The following NAALADL2 variants were observed in gnomAD, a reference collection of about 807,000 sequenced individuals.
The protein encoded by NAALADL2 is inactive N-acetylated-alpha-linked acidic dipeptidase-like protein 2.
Under a neutral mutation model 87.2 loss-of-function variants are expected in NAALADL2, and 76 were observed. The observed-to-expected ratio is 0.87, with a 90% CI of 0.72 to 1.05. The LOEUF (loss-of-function observed/expected upper bound fraction) is 1.05, where lower values mean the gene tolerates loss of function less well. Ranked by LOEUF, NAALADL2 falls within the 50% of genes least tolerant of loss-of-function variation. NAALADL2 has a pLI of 0.00. For missense variants in NAALADL2, 1,089 were observed against 945.8 expected (o/e 1.15, Z -1.99); for synonymous variants, 354 against 331.0 (o/e 1.07, Z -0.75).
At chr3:174,826,605 T>C (rs942835155) in intron 3 of NAALADL2, among the ~76,000 whole-genome samples, 2 of 152,220 alleles carry the variant, frequency 1.3e-5, no homozygotes, top group African/African-American at 4.8e-5. Context: ...GCCCATTCCA[T>C]CTCTTAGGAC....
chr3:175,430,947 C>T (rs1717646897), intron 5 of NAALADL2, among the ~76,000 whole-genome samples: 1 of 152,016 alleles, frequency 6.6e-6, no homozygotes, highest in Admixed American at 6.6e-5. Flanking sequence ...TCTTTTAAAT[C>T]TAGCATCTCA....
intron 3 of NAALADL2, among the ~76,000 whole-genome samples, chr3:175,251,519 A>G (rs1366783214): frequency 3.9e-5 from 6 of 152,228 alleles, no homozygotes; most frequent in Admixed American, 3.3e-4. Flanking sequence ...GACATTTCCC[A>G]TAGAGACCAG....
At chr3:175,142,330 G>A (rs1487802029) in intron 2 of NAALADL2, among the ~76,000 whole-genome samples, 1 of 151,966 alleles carries the variant, frequency 6.6e-6, no homozygotes, top group East Asian at 1.9e-4. Flanking sequence ...AAACAATTAT[G>A]TTTTATTTTC....
chr3:174,895,967 A>C (rs1731476692), intron 1 of NAALADL2, among the ~76,000 whole-genome samples: 1 of 152,186 alleles, frequency 6.6e-6, no homozygotes, highest in Non-Finnish European at 1.5e-5. Context: ...TGATGCTGAA[A>C]AAGCATTTGA....
At chr3:175,010,997 T>C (rs1190201149) in intron 1 of NAALADL2, among the ~76,000 whole-genome samples, 1 of 152,162 alleles carries the variant, frequency 6.6e-6, no homozygotes, top group Non-Finnish European at 1.5e-5. Flanking sequence ...AAAAAATAAA[T>C]CTAGGTACTC....
chr3:174,555,031 T>C (rs1712587411), intron 2 of NAALADL2, among the ~76,000 whole-genome samples: 1 of 152,210 alleles, frequency 6.6e-6, no homozygotes, highest in South Asian at 2.1e-4. Context: ...TCATTAGGGC[T>C]CTGCCCTCAT....
chr3:174,880,068 G>A (rs1246668701), intron 1 of NAALADL2, among the ~76,000 whole-genome samples: 3 of 151,814 alleles, frequency 2.0e-5, no homozygotes, highest in African/African-American at 7.3e-5. Context: ...GGAGTGCCCC[G>A]GGGCTCAACC....
At chr3:174,540,999 C>T (rs1722174918) in intron 1 of NAALADL2, among the ~76,000 whole-genome samples, 1 of 152,144 alleles carries the variant, frequency 6.6e-6, no homozygotes, top group Admixed American at 6.5e-5. Flanking sequence ...AGGGATGGCA[C>T]AGTTCCTGTT....
chr3:175,090,982 A>AT (rs35828272), intron 1 of NAALADL2, among the ~76,000 whole-genome samples: 61,574 of 151,404 alleles, frequency 0.41, 12,922 homozygotes, highest in African/African-American at 0.5. Flanking sequence ...GGAAAAAAAA[A>AT]ATATCATTAT....
intron 5 of NAALADL2, among the ~76,000 whole-genome samples, chr3:175,381,143 A>G (rs1433436970): frequency 6.6e-6 from 1 of 151,892 alleles, no homozygotes. Context: ...AATAAAATAT[A>G]ATTTAGTATC....
intron 1 of NAALADL2, among the ~76,000 whole-genome samples, chr3:174,999,595 A>G (rs1027109052): frequency 6.6e-6 from 1 of 152,186 alleles, no homozygotes; most frequent in East Asian, 1.9e-4. Context: ...TGGTAGCTTT[A>G]TCAAAATAGC....
chr3:175,493,381 G>A (rs1355205000), intron 9 of NAALADL2, among the ~76,000 whole-genome samples: 1 of 151,870 alleles, frequency 6.6e-6, no homozygotes, highest in East Asian at 1.9e-4. Context: ...AGTAAAATAG[G>A]GATCATCCAA....
At chr3:174,921,913 A>G (rs1441698544) in intron 1 of NAALADL2, among the ~76,000 whole-genome samples, 2 of 152,036 alleles carry the variant, frequency 1.3e-5, no homozygotes, top group Admixed American at 6.6e-5. Flanking sequence ...GAATGTTTGC[A>G]CATAGATTGG....
At chr3:174,780,205 T>C (rs528980593) in intron 3 of NAALADL2, among the ~76,000 whole-genome samples, 4 of 152,286 alleles carry the variant, frequency 2.6e-5, no homozygotes, top group African/African-American at 9.6e-5. Flanking sequence ...TAAGTTGTAT[T>C]CCTGCAAATT....
intron 2 of NAALADL2, among the ~76,000 whole-genome samples, chr3:175,148,408 A>G (rs1223029246): frequency 6.6e-6 from 1 of 151,816 alleles, no homozygotes; most frequent in Non-Finnish European, 1.5e-5. Flanking sequence ...GATTTTGTTG[A>G]TAGTTTCTTT....
rs1385659508 is a variant in NAALADL2 at position 175,376,317 on chromosome 3, A to G, written c.1090+51992A>G. ...GACTAATTCTTTTTTTCTGCTAAAA[A>G]TTGTTTTATTTTACTTCAATTTTTA... is the stretch of plus-strand genomic sequence containing the variant. On this transcript the variant is annotated intron_variant, in intron 5 of 13. Coordinates refer to ENST00000454872, the MANE Select transcript of NAALADL2 (RefSeq NM_207015.3). Among the ~76,000 whole-genome samples the G allele has an allele frequency of 2.6e-5, 4 of 151,980 alleles. No homozygotes were observed. The East Asian group carries it at 5.8e-4, about 22-fold the overall frequency.
chr3:175,540,418 GTC>G (rs1712103893), intron 9 of NAALADL2, among the ~76,000 whole-genome samples: 1 of 152,152 alleles, frequency 6.6e-6, no homozygotes, highest in African/African-American at 2.4e-5. Flanking sequence ...AGATGATGAG[GTC>G]AGAGAGCACA....
intron 2 of NAALADL2, among the ~76,000 whole-genome samples, chr3:175,149,748 C>G (rs972750551): frequency 1.3e-5 from 2 of 152,130 alleles, no homozygotes; most frequent in South Asian, 2.1e-4. Flanking sequence ...AAAGTGGTGG[C>G]TTGAACCTGA....
At chr3:175,754,077 C>A (rs1176974184) in intron 12 of NAALADL2, among the ~76,000 whole-genome samples, 1 of 152,162 alleles carries the variant, frequency 6.6e-6, no homozygotes, top group East Asian at 1.9e-4. Flanking sequence ...GGGAATGCCC[C>A]TCTCATGACA....
Sources: gnomAD v4.1 joint callset for allele counts (sites outside exome capture counted in the v4.1 genomes callset) on GRCh38, gnomAD v4.1.1 for gene constraint, MANE v1.5 for transcripts, NCBI Gene and HGNC (gene_info 2026-07-23, HGNC 2026-07-21) for gene names.